AJAP1: variants seen among roughly 807,000 people sequenced by gnomAD.
The protein encoded by AJAP1 is adherens junction-associated protein 1.
A neutral mutation model predicts 35.0 loss-of-function variants in AJAP1; 5 were observed. The ratio of observed to expected loss-of-function variants is 0.14; its 90% CI spans 0.07 to 0.30. The LOEUF (loss-of-function observed/expected upper bound fraction) is 0.30, where lower values mean the gene tolerates loss of function less well. Among genes scored for constraint, AJAP1 ranks in the 10% least tolerant of loss-of-function variants. AJAP1 has a pLI of 1.00. For missense variants in AJAP1, 586 were observed against 571.0 expected, an observed-to-expected ratio of 1.03 and a Z score of -0.27; for synonymous variants, 284 against 249.3, an observed-to-expected ratio of 1.14 and a Z score of -1.31.
intron 1 of AJAP1, among the ~76,000 whole-genome samples, chr1:4,678,338 A>G (rs1639405068): frequency 6.6e-6 from 1 of 152,188 alleles, no homozygotes; most frequent in Admixed American, 6.5e-5. Flanking sequence ...ATGACAACTC[A>G]TACATATTAT....
Position 4,712,531 on chromosome 1 carries a change from A to T in AJAP1, c.661A>T (p.Thr221Ser). The change falls in exon 2 of 6, where the codon ACC (threonine) becomes TCC (serine). Residue 221 changes from threonine to serine, a missense_variant. Physicochemically the swap from Thr to Ser is moderately conservative, Grantham distance 58. Transcript: ENST00000378191. ...GAAGACAACTGTGGCCGCCACCACC[A>T]CCACCACCACCACGGCCACCCCCAT... ...TRKTTVAATT[T>S]TTTTATPMTL... 1 of 1,612,350 alleles carries T rather than the reference A, an allele frequency of 6.2e-7. No homozygotes were observed.
At chr1:4,761,596 A>G (rs1233995535) in intron 2 of AJAP1, among the ~76,000 whole-genome samples, 3 of 152,216 alleles carry the variant, frequency 2.0e-5, no homozygotes, top group Non-Finnish European at 4.4e-5. Context: ...GAGGGACAGA[A>G]CTAACAGGAT....
At chr1:4,735,456 G>A (rs1640899307) in intron 2 of AJAP1, among the ~76,000 whole-genome samples, 1 of 152,198 alleles carries the variant, frequency 6.6e-6, no homozygotes, top group Non-Finnish European at 1.5e-5. Context: ...AATTTTGCAG[G>A]AAAGGAGCCT....
intron 2 of AJAP1, among the ~76,000 whole-genome samples, chr1:4,755,854 G>A (rs990026092): frequency 1.3e-5 from 2 of 152,002 alleles, no homozygotes; most frequent in South Asian, 2.1e-4. Context: ...GGAAACACTG[G>A]AGTAAGGGGG....
chr1:4,752,996 G>A (rs1842940), intron 2 of AJAP1, among the ~76,000 whole-genome samples: 39 of 152,300 alleles, frequency 2.6e-4, no homozygotes, highest in African/African-American at 8.7e-4. Flanking sequence ...GGACTGTCCA[G>A]TGGGTCCCCT....
intron 1 of AJAP1, among the ~76,000 whole-genome samples, chr1:4,674,266 C>T (rs921035453): frequency 6.6e-6 from 1 of 152,146 alleles, no homozygotes; most frequent in African/African-American, 2.4e-5. Flanking sequence ...GGTTGGCACA[C>T]CACAGTCTGT....
chr1:4,733,194 G>C (rs1640840151), intron 2 of AJAP1, among the ~76,000 whole-genome samples: 1 of 152,008 alleles, frequency 6.6e-6, no homozygotes, highest in African/African-American at 2.4e-5. Context: ...AACCCCCAGG[G>C]CTTGGCTCAG....
At position 4,665,557 on chromosome 1, in the gene AJAP1, G is replaced by A. The variant is rs373636233; in HGVS notation, c.29+10103G>A. The stretch of plus-strand genomic sequence containing the variant: ...TCACTCCAACAGCATCTGTTTCTCA[G>A]GCTCTCACCCCGACGGTCCCTGGGG... On this transcript the variant is annotated intron_variant, in intron 1 of 5. Coordinates refer to ENST00000378191, the MANE Select transcript of AJAP1 (RefSeq NM_018836.4). 4.6e-5 allele frequency among the ~76,000 whole-genome samples: 7 copies of A among 152,168 alleles called. No homozygotes were observed. The East Asian group carries it at 1.4e-3, about 29-fold the overall frequency.
chr1:4,728,544 G>A (rs1412828718), intron 2 of AJAP1, among the ~76,000 whole-genome samples: 2 of 152,216 alleles, frequency 1.3e-5, no homozygotes, highest in East Asian at 3.9e-4. Flanking sequence ...ATCACAGCCT[G>A]CTCTTGCTGT....
chr1:4,703,439 GTTC>G (rs1418993866), intron 1 of AJAP1, among the ~76,000 whole-genome samples: 1 of 152,148 alleles, frequency 6.6e-6, no homozygotes, highest in Non-Finnish European at 1.5e-5. Flanking sequence ...GGAGTCAGAG[GTTC>G]TTCTGTGAAG....
intron 2 of AJAP1, among the ~76,000 whole-genome samples, chr1:4,747,712 G>A (rs997164449): frequency 3.3e-5 from 5 of 152,196 alleles, no homozygotes; most frequent in South Asian, 2.1e-4. Flanking sequence ...TTCGTTGGCC[G>A]GGCATGATGG....
intron 1 of AJAP1, among the ~76,000 whole-genome samples, 193 bp from the exon 2 acceptor site, chr1:4,711,707 G>A (rs1474688111): frequency 6.6e-6 from 1 of 152,190 alleles, no homozygotes; most frequent in Non-Finnish European, 1.5e-5. Context: ...AGCGCGCGCT[G>A]TTCTTGCACG....
intron 1 of AJAP1, among the ~76,000 whole-genome samples, chr1:4,679,374 T>C (rs773346924): frequency 1.1e-4 from 16 of 151,636 alleles, no homozygotes; most frequent in Non-Finnish European, 2.1e-4. Flanking sequence ...AGGAGAAATA[T>C]CTGAGTGATG....
At chr1:4,686,809 C>A (rs1270848642) in intron 1 of AJAP1, among the ~76,000 whole-genome samples, 2 of 152,212 alleles carry the variant, frequency 1.3e-5, no homozygotes, top group Non-Finnish European at 2.9e-5. Context: ...CCCCTTCAGC[C>A]TGCAAAAGCT....
rs544316058 is a variant in AJAP1, at chr1:4,783,214, CAT to C, written c.*730_*731del. 1.5e-3 allele frequency: 192 copies of C among 130,782 alleles called. 1 individual carries two copies. The East Asian group carries it at 0.022, about 15-fold the overall frequency. 8.1% of individuals were successfully genotyped at this position (130,782 alleles called of 1,614,324 possible). A position where few individuals can be genotyped will look rare whatever the true frequency, so the allele number is the denominator to read the frequency against. On this transcript the variant is annotated 3_prime_UTR_variant, in exon 6 of 6. Transcript: ENST00000378191. ...ACTCACGTCACACACATATTACACA[CAT>C]GTGCGCATTACACACACACAATACA...
chr1:4,754,257 C>T (rs1641379395), intron 2 of AJAP1, among the ~76,000 whole-genome samples: 1 of 152,198 alleles, frequency 6.6e-6, no homozygotes, highest in African/African-American at 2.4e-5. Flanking sequence ...GCACATAGCA[C>T]ACTCATTTGT....
At chr1:4,765,978 C>A (rs1641675135) in intron 2 of AJAP1, among the ~76,000 whole-genome samples, 1 of 152,190 alleles carries the variant, frequency 6.6e-6, no homozygotes, top group Non-Finnish European at 1.5e-5. Flanking sequence ...GGTGGAGGAG[C>A]AAGGTTCTAA....
At chr1:4,680,058 G>C (rs72637582) in intron 1 of AJAP1, among the ~76,000 whole-genome samples, 1 of 152,212 alleles carries the variant, frequency 6.6e-6, no homozygotes, top group African/African-American at 2.4e-5. Flanking sequence ...TGATGTTTCC[G>C]TTTGAGTCTG....
chr1:4,732,991 A>T (rs953617054), intron 2 of AJAP1, among the ~76,000 whole-genome samples: 1 of 152,120 alleles, frequency 6.6e-6, no homozygotes, highest in South Asian at 2.1e-4. Context: ...TGAAAATAGG[A>T]TTTCTGGACT....
Sources: allele counts gnomAD v4.1 joint callset (sites outside exome capture counted in the v4.1 genomes callset), GRCh38; gene constraint gnomAD v4.1.1; transcripts MANE v1.5; gene names NCBI Gene and HGNC (gene_info 2026-07-23, HGNC 2026-07-21).